The following MAST4 variants were observed in gnomAD, a reference collection of about 807,000 sequenced individuals.
MAST4 encodes the protein microtubule-associated serine/threonine-protein kinase 4.
In MAST4, 89 loss-of-function variants were observed where a neutral mutation model predicts 162.7. That is an observed-to-expected ratio of 0.55 (90% CI 0.46 to 0.65). The LOEUF is 0.65. Ranked by LOEUF, MAST4 falls within the 30% of genes least tolerant of loss-of-function variation. The probability of loss-of-function intolerance (pLI) is 0.00; values close to 1 mark genes in which losing one functional copy is unlikely to be tolerated. For missense variants in MAST4, 3,153 were observed against 3,374.0 expected (o/e 0.93, Z 1.62); for synonymous variants, 1,479 against 1,361.1 (o/e 1.09, Z -1.91).
At chr5:66,822,944 G>A (rs1757063768) in intron 3 of MAST4, among the ~76,000 whole-genome samples, 1 of 152,142 alleles carries the variant, frequency 6.6e-6, no homozygotes, top group Non-Finnish European at 1.5e-5. Flanking sequence ...GGTGTCCCCA[G>A]CCAAATCTCA....
chr5:67,104,572 G>A lies in MAST4; in HGVS notation c.1353G>A (p.Gln451=). The A allele has an allele frequency of 6.2e-7, 1 of 1,611,934 alleles. No homozygotes were observed. Among genetic ancestry groups the A allele is most frequent in the Non-Finnish European group, 8.5e-7 (1 of 1,178,656 alleles). Residue 451 remains glutamine (Q), a synonymous_variant, in exon 10 of 29, where the codon CAG becomes CAA. Transcript: ENST00000403625. ...ELQHKLDKLL[Q]EAHDRSESGE... ...AGCACAAATTAGATAAGTTGCTACA[G>A]GAGGTAAGAACCATGTACCATATAG...
intron 1 of MAST4, among the ~76,000 whole-genome samples, chr5:66,628,114 C>T (rs1744556101): frequency 6.6e-6 from 1 of 152,160 alleles, no homozygotes; most frequent in Admixed American, 6.5e-5. Context: ...TCACTGCAGC[C>T]TTGAATCTCC....
At chr5:66,722,914 G>A (rs1751304969) in intron 1 of MAST4, among the ~76,000 whole-genome samples, 2 of 152,116 alleles carry the variant, frequency 1.3e-5, no homozygotes, top group Non-Finnish European at 2.9e-5. Context: ...TAGTTGAAAA[G>A]GGATGTGTCT....
intron 1 of MAST4, among the ~76,000 whole-genome samples, chr5:66,742,270 A>G (rs1752517013): frequency 6.6e-6 from 1 of 152,174 alleles, no homozygotes; most frequent in Non-Finnish European, 1.5e-5. Context: ...ATAAGATGCC[A>G]GTGTGTTCAC....
intron 3 of MAST4, among the ~76,000 whole-genome samples, chr5:66,818,431 A>C (rs547146126): frequency 3.3e-4 from 27 of 82,214 alleles, no homozygotes; most frequent in African/African-American, 7.8e-4. Flanking sequence ...CACTAAAAAT[A>C]AAAAAAAAAA....
intron 1 of MAST4, among the ~76,000 whole-genome samples, chr5:66,633,371 A>G (rs1202476487): frequency 6.6e-6 from 1 of 152,242 alleles, no homozygotes; most frequent in Non-Finnish European, 1.5e-5. Flanking sequence ...CACCCGAAAG[A>G]TAAACATCGG....
In MAST4 at chr5:67,163,403, G is replaced by T. The variant is rs1474943515; in HGVS notation, c.4224G>T (p.Lys1408Asn). ...TGGGACACTCACTGGGCAATTCCAA[G>T]ATCGCGCAAGCCTTTCCCAGCAAGA... Reference protein sequence around the residue: ...PLLGHSLGNSKIAQAFPSKMH... With the variant: ...PLLGHSLGNSNIAQAFPSKMH... The change falls in exon 29 of 29, where the codon AAG becomes AAT. Residue 1408 changes from lysine to asparagine, a missense_variant. Physicochemically the swap from Lys to Asn is moderately conservative, Grantham distance 94. Transcript: ENST00000403625. The surrounding 1 kb of genome is among the most constrained non-coding windows in gnomAD (Gnocchi z 7.0). The T allele has an allele frequency of 1.2e-6, 2 of 1,612,652 alleles. No homozygotes were observed. Among genetic ancestry groups the T allele is most frequent in the Admixed American group, 3.3e-5 (2 of 60,024 alleles).
intron 3 of MAST4, among the ~76,000 whole-genome samples, chr5:66,887,135 C>A (rs1479389014): frequency 1.3e-5 from 2 of 152,138 alleles, no homozygotes; most frequent in Admixed American, 6.5e-5. Context: ...AAATGTGATG[C>A]CATTAAGCTT....
chr5:67,061,958 C>T (rs1759663599), intron 5 of MAST4, among the ~76,000 whole-genome samples: 1 of 152,188 alleles, frequency 6.6e-6, no homozygotes, highest in African/African-American at 2.4e-5. Context: ...GATACACACA[C>T]CTTTCTGCTC....
intron 1 of MAST4, among the ~76,000 whole-genome samples, chr5:66,670,026 C>G (rs186405579): frequency 4.9e-4 from 75 of 152,260 alleles, no homozygotes; most frequent in African/African-American, 1.8e-3. Flanking sequence ...CTGGGATGTG[C>G]CGGGTTTTCT....
intron 3 of MAST4, among the ~76,000 whole-genome samples, chr5:66,803,529 T>C (rs575933799): frequency 6.6e-6 from 1 of 152,296 alleles, no homozygotes; most frequent in South Asian, 2.1e-4. Flanking sequence ...CTCTGTTTAT[T>C]TAGGACTTTA....
At chr5:66,725,102 A>G (rs1751430079) in intron 1 of MAST4, among the ~76,000 whole-genome samples, 2 of 151,222 alleles carry the variant, frequency 1.3e-5, no homozygotes, top group Admixed American at 6.6e-5. Context: ...TGTTTTTTTA[A>G]TTTTTAAATT....
Position 67,167,022 on chromosome 5 carries a change from C to A in MAST4, c.7843C>A (p.Arg2615Ser). 6.3e-7 allele frequency: 1 copy of A among 1,596,856 alleles called. No individual in the cohort carries two copies. Among genetic ancestry groups the A allele is most frequent in the Non-Finnish European group, 8.5e-7 (1 of 1,171,190 alleles). ...GCAGAGGCGGGGGAAAGAGAGTTTG[C>A]GTAGCAGCCCTCACAAAAAGGCCTT... ...VRQRRGKESL[R>S]SSPHKKAL The change falls in exon 29 of 29, where the codon CGT (arginine) becomes AGT (serine). Residue 2615 changes from arginine (R) to serine (S), a missense_variant. Around this residue, in one of 7 missense-constraint regions of MAST4, gnomAD observed 1,644 missense variants for 1,495.0 expected, o/e 1.10. Coordinates refer to ENST00000403625, the MANE Select transcript of MAST4 (RefSeq NM_001164664.2).
chr5:66,652,843 T>A (rs78667588), intron 1 of MAST4, among the ~76,000 whole-genome samples: 3,723 of 152,292 alleles, frequency 0.024, 163 homozygotes, highest in African/African-American at 0.086. Flanking sequence ...GGGAAAAAAA[T>A]TTGTTTGCTC....
chr5:67,138,396 G>GT (rs1198079128), intron 19 of MAST4, among the ~76,000 whole-genome samples: 9 of 152,022 alleles, frequency 5.9e-5, no homozygotes, highest in African/African-American at 2.2e-4. Flanking sequence ...CATAATATGT[G>GT]TTTTTTGTTT....
intron 7 of MAST4, among the ~76,000 whole-genome samples, chr5:67,100,019 T>C (rs1053725105): frequency 5.3e-5 from 8 of 152,188 alleles, no homozygotes; most frequent in Non-Finnish European, 1.0e-4. Flanking sequence ...TCATACCATT[T>C]ATTTCATGTT....
At chr5:67,155,248 A>C (rs1222327119) in intron 26 of MAST4, among the ~76,000 whole-genome samples, 2 of 152,198 alleles carry the variant, frequency 1.3e-5, no homozygotes, top group Non-Finnish European at 2.9e-5. Context: ...ACTTGTCCAA[A>C]GTCACTCAGC....
intron 7 of MAST4, among the ~76,000 whole-genome samples, chr5:67,096,449 T>G (rs1481070919): frequency 6.6e-6 from 1 of 152,150 alleles, no homozygotes; most frequent in African/African-American, 2.4e-5. Flanking sequence ...CTGGCTCTCT[T>G]TGCACCAGCA....
At chr5:66,760,420 C>T (rs1448706645) in intron 2 of MAST4, among the ~76,000 whole-genome samples, 4 of 151,920 alleles carry the variant, frequency 2.6e-5, no homozygotes, top group Non-Finnish European at 5.9e-5. Flanking sequence ...GGCCAATATC[C>T]CCAATTTTAA....
Sources: gnomAD v4.1 joint callset for allele counts (sites outside exome capture counted in the v4.1 genomes callset) on GRCh38, gnomAD v4.1.1 for gene constraint, gnomAD v4.1.1 regional missense constraint, Gnocchi (gnomAD v3.1) non-coding constraint, MANE v1.5 for transcripts, NCBI Gene and HGNC (gene_info 2026-07-23, HGNC 2026-07-21) for gene names.